JCAD: variants seen among roughly 807,000 people sequenced by gnomAD.
JCAD encodes the protein junctional cadherin 5 associated, also known as junctional cadherin 5-associated protein.
Under a neutral mutation model 98.0 loss-of-function variants are expected in JCAD, and 40 were observed. That is an observed-to-expected ratio of 0.41 (90% CI 0.32 to 0.53). The LOEUF is 0.53. Ranked by LOEUF, JCAD falls within the 20% of genes least tolerant of loss-of-function variation. The pLI, the probability that JCAD is intolerant of heterozygous loss-of-function variation, is 0.31. For missense variants in JCAD, 1,705 were observed against 1,738.1 expected, an observed-to-expected ratio of 0.98 and a Z score of 0.34; for synonymous variants, 691 against 682.3, an observed-to-expected ratio of 1.01 and a Z score of -0.20.
At chr10:30,109,940 G>C (rs9988732) in intron 1 of JCAD, among the ~76,000 whole-genome samples, 2 of 151,574 alleles carry the variant, frequency 1.3e-5, no homozygotes, top group Admixed American at 1.3e-4. Context: ...AGACCCCCCT[G>C]TGTATGGACC....
In JCAD at chr10:30,014,988, G is replaced by A. The variant is rs1432068006; in HGVS notation, c.*2895C>T. The A allele has an allele frequency of 6.6e-6, 1 of 152,162 alleles. No homozygotes were observed. Among genetic ancestry groups the A allele is most frequent in the African/African-American group, 2.4e-5 (1 of 41,424 alleles). The allele number at this position is 152,162 out of a possible 1,614,324, so 9.4% of individuals were successfully genotyped here. A position where few individuals can be genotyped will look rare whatever the true frequency, so the allele number is the denominator to read the frequency against. The stretch of plus-strand genomic sequence containing the variant: ...CAGGGGCTGGGTGCACTGTCAGTGA[G>A]GAGTTTTTCTGTACTTTGCAGAAAC... On this transcript the variant is annotated 3_prime_UTR_variant, in exon 4 of 4. Coordinates refer to ENST00000375377, the MANE Select transcript of JCAD (RefSeq NM_020848.4).
Position 30,026,981 on chromosome 10 carries a change from C to T in JCAD, c.3167G>A (p.Gly1056Glu), listed in dbSNP as rs1454296541. ...TAGCTCACTGGCACCCTGTTCTTGCCCAGGGGTGAGCCCCACAGACCGTAA... is the reference window on the plus strand; with the variant it reads ...TAGCTCACTGGCACCCTGTTCTTGCTCAGGGGTGAGCCCCACAGACCGTAA... ...PDLRSVGLTP[G>E]QEQGASELEG... Residue 1056 changes from glycine to glutamate, a missense_variant, in exon 3 of 4, where the codon GGG becomes GAG. This residue lies in a region of JCAD where 1,278 missense variants were observed against 1,243.1 expected (regional missense o/e 1.03). Transcript: ENST00000375377. The T allele has an allele frequency of 6.2e-7, 1 of 1,614,166 alleles. No individual in the cohort carries two copies. The highest frequency in any genetic ancestry group is 8.5e-7 in the Non-Finnish European group (1 of 1,180,028).
chr10:30,109,459 C>T (rs1190859485), intron 1 of JCAD, among the ~76,000 whole-genome samples: 1 of 152,140 alleles, frequency 6.6e-6, no homozygotes, highest in South Asian at 2.1e-4. Flanking sequence ...GCCTGTGGCC[C>T]TGTCTTCAGC....
chr10:30,053,944 C>A (rs1010293498), intron 1 of JCAD, among the ~76,000 whole-genome samples: 1 of 152,080 alleles, frequency 6.6e-6, no homozygotes, highest in African/African-American at 2.4e-5. Flanking sequence ...CGCCTGTAGT[C>A]CCAGCTACTC....
At chr10:30,073,190 C>A (rs1446435841) in intron 1 of JCAD, among the ~76,000 whole-genome samples, 1 of 152,230 alleles carries the variant, frequency 6.6e-6, no homozygotes, top group Non-Finnish European at 1.5e-5. Flanking sequence ...GCTTTGGGGT[C>A]AGACAGATTT....
At chr10:30,073,776 C>A (rs1837936720) in intron 1 of JCAD, among the ~76,000 whole-genome samples, 1 of 150,814 alleles carries the variant, frequency 6.6e-6, no homozygotes, top group Non-Finnish European at 1.5e-5. Flanking sequence ...AATAGTACTG[C>A]AAATCGTATG....
chr10:30,084,027 A>G (rs978794231), intron 1 of JCAD, among the ~76,000 whole-genome samples: 1 of 151,236 alleles, frequency 6.6e-6, no homozygotes, highest in Admixed American at 6.6e-5. Context: ...AAAAGAAAGA[A>G]AGAGAGAGAG....
chr10:30,027,418 C>T lies in JCAD; in HGVS notation c.2730G>A (p.Glu910=), dbSNP rs1836846564. The change falls in exon 3 of 4, where the codon GAG becomes GAA. Residue 910 remains glutamate, a synonymous_variant. Coordinates refer to ENST00000375377, the MANE Select transcript of JCAD (RefSeq NM_020848.4). ...CCTCACTCCAGCTCTCAGACTTACT[C>T]TCACCTCTTCCCGACCTACACACAG... ...ESPVCRSGRG[E]SKSESWSEEL... The T allele has an allele frequency of 1.9e-6, 3 of 1,605,006 alleles. No homozygotes were observed. The highest frequency in any genetic ancestry group is 1.3e-5 in the African/African-American group (1 of 75,044).
At chr10:30,082,085 C>A (rs1436562060) in intron 1 of JCAD, among the ~76,000 whole-genome samples, 1 of 152,130 alleles carries the variant, frequency 6.6e-6, no homozygotes, top group Non-Finnish European at 1.5e-5. Flanking sequence ...TGTGCTTTTA[C>A]CTTTTTCTTT....
At chr10:30,095,905 CTT>C (rs1838359685) in intron 1 of JCAD, among the ~76,000 whole-genome samples, 1 of 152,202 alleles carries the variant, frequency 6.6e-6, no homozygotes, top group Non-Finnish European at 1.5e-5. Context: ...ATCCCAGAGA[CTT>C]TTTGCAGGGG....
intron 1 of JCAD, among the ~76,000 whole-genome samples, chr10:30,087,430 C>T (rs1349051414): frequency 9.2e-5 from 14 of 152,052 alleles, no homozygotes; most frequent in Admixed American, 9.2e-4. Flanking sequence ...CGGAGAGAGA[C>T]TCCGTCTCAA....
chr10:30,052,190 G>A (rs1837484442), intron 1 of JCAD, among the ~76,000 whole-genome samples: 1 of 152,190 alleles, frequency 6.6e-6, no homozygotes, highest in Admixed American at 6.5e-5. Flanking sequence ...GTTACCTCCC[G>A]CTTCGCTGTT....
chr10:30,063,719 T>C (rs1239107641), upstream of JCAD, among the ~76,000 whole-genome samples: 1 of 152,224 alleles, frequency 6.6e-6, no homozygotes, highest in Admixed American at 6.5e-5. Flanking sequence ...ATCAGGGTGT[T>C]TAGCATATCC....
intron 2 of JCAD, among the ~76,000 whole-genome samples, chr10:30,046,470 A>T (rs1837339734): frequency 6.6e-6 from 1 of 152,232 alleles, no homozygotes; most frequent in African/African-American, 2.4e-5. Context: ...TGATATGAAT[A>T]TACCAGAAGA....
intron 1 of JCAD, among the ~76,000 whole-genome samples, chr10:30,074,412 T>C (rs1386843689): frequency 6.6e-6 from 1 of 152,208 alleles, no homozygotes; most frequent in Non-Finnish European, 1.5e-5. Flanking sequence ...GGCTTCCATA[T>C]GTTCCCAAGC....
chr10:30,072,793 A>T (rs534919831), intron 1 of JCAD, among the ~76,000 whole-genome samples: 14 of 152,102 alleles, frequency 9.2e-5, no homozygotes, highest in Non-Finnish European at 1.8e-4. Context: ...ATGTGATTAC[A>T]GGTGCCTGCC....
intron 2 of JCAD, among the ~76,000 whole-genome samples, chr10:30,037,932 A>C (rs1837149877): frequency 7.1e-6 from 1 of 139,864 alleles, no homozygotes; most frequent in Admixed American, 7.1e-5. Flanking sequence ...GAATGGAAAA[A>C]TTAAAAAAAA....
intron 1 of JCAD, among the ~76,000 whole-genome samples, chr10:30,071,298 ATTG>A (rs979595084): frequency 4.6e-5 from 7 of 152,060 alleles, no homozygotes; most frequent in Non-Finnish European, 1.0e-4. Context: ...TATCATCATT[ATTG>A]TTGTTTTTAC....
rs1241197418 is a variant in JCAD, at chr10:30,047,442, C to T, written c.281+90G>A. On this transcript the variant is annotated intron_variant, in intron 2 of 3. Coordinates refer to ENST00000375377, the MANE Select transcript of JCAD (RefSeq NM_020848.4). ...CCATTTCTCCCTCCTTGGCCCTGGC[C>T]AAATATAGATTTGAAAGAGTTTACC... is the stretch of plus-strand genomic sequence containing the variant. 17 of 1,465,292 alleles carry T rather than the reference C, an allele frequency of 1.2e-5. No individual in the cohort carries two copies. The Admixed American group carries it at 1.8e-4, about 15-fold the overall frequency. 90.8% of individuals were successfully genotyped at this position (1,465,292 alleles called of 1,614,324 possible). A position where few individuals can be genotyped will look rare whatever the true frequency, so the allele number is the denominator to read the frequency against.
Sources: gnomAD v4.1 joint callset for allele counts (sites outside exome capture counted in the v4.1 genomes callset) on GRCh38, gnomAD v4.1.1 for gene constraint, gnomAD v4.1.1 regional missense constraint, MANE v1.5 for transcripts, NCBI Gene and HGNC (gene_info 2026-07-23, HGNC 2026-07-21) for gene names.